Variants in PTPRK observed in about 807,000 individuals in gnomAD.
The protein encoded by PTPRK is protein tyrosine phosphatase receptor type K.
PTPRK carries 75 observed loss-of-function variants against 178.0 expected under a neutral mutation model. The observed-to-expected ratio is 0.42, with a 90% CI of 0.35 to 0.51. The LOEUF (loss-of-function observed/expected upper bound fraction) is 0.51. PTPRK is among the 20% of genes least tolerant of loss of function. The pLI is 0.02. For synonymous variants in PTPRK, 637 were observed against 620.6 expected (o/e 1.03, Z -0.39); for missense variants, 1,441 against 1,797.8 (o/e 0.80, Z 3.59).
intron 7 of PTPRK, among the ~76,000 whole-genome samples, chr6:128,179,384 C>G (rs1482546603): frequency 6.6e-6 from 1 of 151,922 alleles, no homozygotes; most frequent in Non-Finnish European, 1.5e-5. Flanking sequence ...AAAAGGAAAT[C>G]TAAAATGAAA....
chr6:128,258,286 A>G (rs1230248485), intron 3 of PTPRK, among the ~76,000 whole-genome samples: 1 of 152,166 alleles, frequency 6.6e-6, no homozygotes, highest in African/African-American at 2.4e-5. Context: ...TGTTAAATCA[A>G]GCAAGTGTTA....
rs1171399879 is a variant in PTPRK at position 127,969,885 on chromosome 6, T to C, written c.*342A>G. The C allele has an allele frequency of 5.5e-6, 1 of 183,288 alleles. No homozygotes were observed. The highest frequency in any genetic ancestry group is 1.1e-5 in the Non-Finnish European group (1 of 89,130). The allele number at this position is 183,288 out of a possible 1,614,324, so 11.4% of individuals were successfully genotyped here. A position where few individuals can be genotyped will look rare whatever the true frequency, so the allele number is the denominator to read the frequency against. On this transcript the variant is annotated 3_prime_UTR_variant, in exon 30 of 30. Transcript: ENST00000368226. ...GGAGAAAAATGCCACGTAGAAAGTATGAACTCATGCAACATGTGGTAGCTG... is the reference window on the plus strand; with the variant it reads ...GGAGAAAAATGCCACGTAGAAAGTACGAACTCATGCAACATGTGGTAGCTG...
chr6:128,040,787 A>G (rs563234743), intron 13 of PTPRK, among the ~76,000 whole-genome samples: 129 of 152,198 alleles, frequency 8.5e-4, no homozygotes, highest in Non-Finnish European at 1.3e-3. Flanking sequence ...TTGTTAAACA[A>G]TGAAGAATAT....
At chr6:128,112,887 T>C (rs1456495833) in intron 7 of PTPRK, among the ~76,000 whole-genome samples, 3 of 152,146 alleles carry the variant, frequency 2.0e-5, no homozygotes, top group Admixed American at 2.0e-4. Flanking sequence ...CTCAAACTCA[T>C]GTCGGTAACT....
At chr6:128,081,535 G>T (rs990148550) in intron 10 of PTPRK, among the ~76,000 whole-genome samples, 1 of 151,708 alleles carries the variant, frequency 6.6e-6, no homozygotes, top group African/African-American at 2.4e-5. Flanking sequence ...TATTTTATGG[G>T]TATTAATGAT....
chr6:127,983,266 C>A lies in PTPRK; in HGVS notation c.3363G>T (p.Arg1121=). The A allele has an allele frequency of 4.3e-6, 7 of 1,612,738 alleles. No individual in the cohort carries two copies. Among genetic ancestry groups the A allele is most frequent in the African/African-American group, 2.7e-5 (2 of 74,946 alleles). The change falls in exon 23 of 30, where the codon CGG becomes CGT. Residue 1121 remains arginine, a synonymous_variant. Coordinates refer to ENST00000368226, the MANE Select transcript of PTPRK (RefSeq NM_002844.4). ...IYNCVKALRS[R]RINMVQTEEQ... ...CCTCTGTCTGGACCATATTAATACG[C>A]CGAGATCTTAAGGCTTTGACACAAT...
rs757194611 is a variant in PTPRK at position 128,520,366 on chromosome 6, T to G, written c.-8A>C. The G allele has an allele frequency of 6.3e-7, 1 of 1,599,032 alleles. No homozygotes were observed. The highest frequency in any genetic ancestry group is 8.5e-7 in the Non-Finnish European group (1 of 1,172,482). On this transcript the variant is annotated 5_prime_UTR_variant, in exon 1 of 30. Transcript: ENST00000368226. ...CGCCGCAGTCGTATCCATGCCGAGT[T>G]TGGGAGAAGTTTCAAGCAGCTTTGC...
chr6:128,032,974 C>G lies in PTPRK; in HGVS notation c.2195-23706G>C, dbSNP rs564671938. Among the ~76,000 whole-genome samples the G allele has an allele frequency of 9.2e-5, 14 of 152,224 alleles. No homozygotes were observed. In the South Asian group the frequency reaches 2.9e-3, roughly 32 times the overall value. The stretch of plus-strand genomic sequence containing the variant: ...TGGTAACCCAGAGGTACACCCCAAG[C>G]CAGTTCTAAATTACGTGATCTTCCC... On this transcript the variant is annotated intron_variant, in intron 13 of 29. Coordinates refer to ENST00000368226, the MANE Select transcript of PTPRK (RefSeq NM_002844.4).
chr6:128,452,845 G>C (rs1847957414), intron 1 of PTPRK, among the ~76,000 whole-genome samples: 1 of 152,080 alleles, frequency 6.6e-6, no homozygotes, highest in Non-Finnish European at 1.5e-5. Context: ...GGCTTCCGGA[G>C]ATGGCTACTC....
intron 1 of PTPRK, among the ~76,000 whole-genome samples, chr6:128,469,030 G>A (rs996093444): frequency 2.6e-5 from 4 of 150,990 alleles, no homozygotes; most frequent in Admixed American, 1.3e-4. Context: ...TTTTTGAAAC[G>A]AAGTATTTAG....
At chr6:128,464,642 T>TATATATATAA (rs1849565135) in intron 1 of PTPRK, among the ~76,000 whole-genome samples, 2 of 74,942 alleles carry the variant, frequency 2.7e-5, no homozygotes, top group Admixed American at 1.3e-4. Flanking sequence ...TATACACATA[T>TATATATATAA]ATATATATAT....
At chr6:128,514,113 G>T (rs1244918464) in intron 1 of PTPRK, among the ~76,000 whole-genome samples, 2 of 151,868 alleles carry the variant, frequency 1.3e-5, no homozygotes, top group Non-Finnish European at 2.9e-5. Context: ...CACTGGGAAG[G>T]GTTTATATTA....
At chr6:128,080,150 A>G (rs1472131036) in intron 10 of PTPRK, among the ~76,000 whole-genome samples, 1 of 152,074 alleles carries the variant, frequency 6.6e-6, no homozygotes, top group African/African-American at 2.4e-5. Flanking sequence ...GAAAGGATGA[A>G]CTAAAATTCT....
intron 1 of PTPRK, among the ~76,000 whole-genome samples, chr6:128,509,433 T>C (rs1269151761): frequency 1.3e-5 from 2 of 152,150 alleles, no homozygotes; most frequent in African/African-American, 2.4e-5. Flanking sequence ...TGAGAGGCAA[T>C]GTATCACTTA....
At chr6:128,131,606 T>C (rs1794250832) in intron 7 of PTPRK, among the ~76,000 whole-genome samples, 1 of 152,188 alleles carries the variant, frequency 6.6e-6, no homozygotes, top group Non-Finnish European at 1.5e-5. Context: ...CCAGTGTCCC[T>C]CTGACCAGAA....
chr6:128,439,109 C>T (rs192312182), intron 1 of PTPRK, among the ~76,000 whole-genome samples: 1 of 152,174 alleles, frequency 6.6e-6, no homozygotes, highest in Admixed American at 6.5e-5. Flanking sequence ...CTTAGAAGAT[C>T]AGGATTCCAC....
chr6:128,322,334 A>G (rs370546889), intron 2 of PTPRK, 24 bp from the exon 3 acceptor site: 11 of 1,530,056 alleles, frequency 7.2e-6, no homozygotes, highest in Non-Finnish European at 9.9e-6. Context: ...ACAAATAATA[A>G]TGCTAAAGAG....
At chr6:128,338,863 A>G (rs1240395077) in intron 2 of PTPRK, among the ~76,000 whole-genome samples, 1 of 93,982 alleles carries the variant, frequency 1.1e-5, no homozygotes, top group African/African-American at 3.9e-5. Context: ...CAAATATAGG[A>G]AAAACTGCCG....
chr6:128,463,741 GTTTTTTTTTTTTT>G (rs896710320), intron 1 of PTPRK, among the ~76,000 whole-genome samples: 1 of 96,868 alleles, frequency 1.0e-5, no homozygotes, highest in Non-Finnish European at 2.1e-5. Context: ...AATCTTCACG[GTTTTTTTTTTTTT>G]TTTTTTTTTT....
Sources: allele counts gnomAD v4.1 joint callset (sites outside exome capture counted in the v4.1 genomes callset), GRCh38; gene constraint gnomAD v4.1.1; transcripts MANE v1.5; gene names NCBI Gene and HGNC (gene_info 2026-07-23, HGNC 2026-07-21).